Variants in USP33 observed in about 807,000 individuals in gnomAD.
The protein encoded by USP33 is ubiquitin carboxyl-terminal hydrolase 33.
A neutral mutation model predicts 124.2 loss-of-function variants in USP33; 46 were observed. That is an observed-to-expected ratio of 0.37 (90% CI 0.29 to 0.47). USP33 has a LOEUF of 0.47. USP33 is among the 20% of genes least tolerant of loss of function. The pLI, the probability that USP33 is intolerant of heterozygous loss-of-function variation, is 0.99. For synonymous variants in USP33, 350 were observed against 352.3 expected, an observed-to-expected ratio of 0.99 and a Z score of 0.07; for missense variants, 851 against 1,070.6, an observed-to-expected ratio of 0.79 and a Z score of 2.86.
At chr1:77,733,415 G>A (rs2101498056) in intron 7 of USP33, among the ~76,000 whole-genome samples, 1 of 150,016 alleles carries the variant, frequency 6.7e-6, no homozygotes, top group African/African-American at 2.4e-5. Context: ...GAAAAAAAAA[G>A]TCTCTTCTTC....
chr1:77,733,399 A>G (rs1445789222), intron 7 of USP33, among the ~76,000 whole-genome samples: 3 of 152,012 alleles, frequency 2.0e-5, no homozygotes, highest in East Asian at 3.9e-4. Flanking sequence ...CCTAAAAAAA[A>G]AAAAAGAAAA....
At position 77,713,208 on chromosome 1, in the gene USP33, T is replaced by C. The variant is rs1027402146; in HGVS notation, c.2289A>G (p.Leu763=). The C allele has an allele frequency of 3.8e-6, 6 of 1,594,128 alleles. No homozygotes were observed. Among genetic ancestry groups the C allele is most frequent in the Non-Finnish European group, 5.1e-6 (6 of 1,174,452 alleles). Residue 763 remains leucine (L), a synonymous_variant, in exon 20 of 24, where the codon CTA becomes CTG. Coordinates refer to ENST00000370794, the MANE Select transcript of USP33 (RefSeq NM_201624.3). ...LMLPQNIWDN[L]YSRYGGGPAV... is the part of the protein sequence containing the mutation. Reference sequence around the variant, plus strand: ...TGATTTAAAAAACAAACCTGCTATATAGGTTATCCCAAATGTTCTGAGGCA... The same window carrying C: ...TGATTTAAAAAACAAACCTGCTATACAGGTTATCCCAAATGTTCTGAGGCA...
At chr1:77,721,544 A>ATTTTTT (rs1676560462) in intron 14 of USP33, 1 of 491,044 alleles carries the variant, frequency 2.0e-6, no homozygotes, top group Admixed American at 3.9e-5. Context: ...CACACAAATA[A>ATTTTTT]GTCCATTATT....
intron 7 of USP33, among the ~76,000 whole-genome samples, chr1:77,732,155 G>C (rs566771489): frequency 1.3e-5 from 2 of 151,132 alleles, no homozygotes; most frequent in South Asian, 4.2e-4. Flanking sequence ...TTACTAGCTG[G>C]TTATATCGGC....
intron 1 of USP33, among the ~76,000 whole-genome samples, chr1:77,743,535 G>A (rs770037682): frequency 1.3e-4 from 20 of 151,832 alleles, no homozygotes; most frequent in Non-Finnish European, 2.6e-4. Flanking sequence ...AGTACAATGG[G>A]GCAAACACAA....
chr1:77,755,541 T>C (rs570607480), intron 1 of USP33, among the ~76,000 whole-genome samples: 2 of 151,980 alleles, frequency 1.3e-5, no homozygotes, highest in African/African-American at 2.4e-5. Context: ...TACCAAAAAA[T>C]ACAAAAATTA....
intron 7 of USP33, among the ~76,000 whole-genome samples, chr1:77,731,267 A>G (rs967333156): frequency 1.3e-5 from 2 of 152,198 alleles, no homozygotes; most frequent in African/African-American, 4.8e-5. Flanking sequence ...CCCAAACTAA[A>G]CAGGATAAAA....
intron 1 of USP33, among the ~76,000 whole-genome samples, chr1:77,752,477 C>A (rs563742687): frequency 3.1e-4 from 47 of 152,212 alleles, no homozygotes; most frequent in African/African-American, 1.0e-3. Context: ...AGTTGGTAAC[C>A]TAAGGAGCTT....
chr1:77,713,139 C>T, intron 20 of USP33, 61 bp downstream of exon 20: 1 of 1,348,672 alleles, frequency 7.4e-7, no homozygotes, highest in East Asian at 2.4e-5. Flanking sequence ...ATAATCCAAA[C>T]CCCTTTTAAC....
intron 21 of USP33, among the ~76,000 whole-genome samples, chr1:77,705,088 G>T (rs1570731916): frequency 7.7e-6 from 1 of 129,122 alleles, no homozygotes. Context: ...ATATTCCAGT[G>T]TTATTTCTGT....
intron 7 of USP33, among the ~76,000 whole-genome samples, chr1:77,733,242 A>G (rs1678048937): frequency 6.6e-6 from 1 of 152,176 alleles, no homozygotes; most frequent in African/African-American, 2.4e-5. Context: ...AAAAATTTAA[A>G]AATTAGTCAG....
chr1:77,709,886 C>CAT (rs1346040542), intron 21 of USP33, among the ~76,000 whole-genome samples: 3 of 126,144 alleles, frequency 2.4e-5, no homozygotes, highest in African/African-American at 8.1e-5. Context: ...TACACATACA[C>CAT]ACACACACAC....
At chr1:77,710,058 C>T (rs1182812211) in intron 21 of USP33, among the ~76,000 whole-genome samples, 2 of 152,098 alleles carry the variant, frequency 1.3e-5, no homozygotes, top group Admixed American at 1.3e-4. Context: ...ACTCATTACA[C>T]GTATGTCTTG....
intron 7 of USP33, among the ~76,000 whole-genome samples, chr1:77,733,406 A>G (rs1297030887): frequency 1.4e-5 from 2 of 145,754 alleles, no homozygotes; most frequent in African/African-American, 2.5e-5. Context: ...AAAAAAAAAG[A>G]AAAAAAAAGT....
intron 1 of USP33, among the ~76,000 whole-genome samples, chr1:77,752,768 A>G (rs1206569437): frequency 6.6e-6 from 1 of 152,218 alleles, no homozygotes; most frequent in Non-Finnish European, 1.5e-5. Context: ...AAGAAAAATT[A>G]AACTATTTTT....
Position 77,741,762 on chromosome 1 carries a change from A to C in USP33, c.-51-14T>G, listed in dbSNP as rs1679144369. On this transcript the variant is annotated splice_polypyrimidine_tract_variant and intron_variant, in intron 1 of 23. Coordinates refer to ENST00000370794, the MANE Select transcript of USP33 (RefSeq NM_201624.3). ...ATGAGGTAACACCTATAAGAAAAGTAACACACACAAAAAAATTAATAAATG... is the reference window on the plus strand; with the variant it reads ...ATGAGGTAACACCTATAAGAAAAGTCACACACACAAAAAAATTAATAAATG... 6.5e-7 allele frequency: 1 copy of C among 1,543,094 alleles called. No homozygotes were observed. The highest frequency in any genetic ancestry group is 2.3e-5 in the East Asian group (1 of 43,410).
intron 1 of USP33, among the ~76,000 whole-genome samples, chr1:77,750,751 C>A (rs1012823365): frequency 6.6e-6 from 1 of 152,030 alleles, no homozygotes; most frequent in African/African-American, 2.4e-5. Context: ...TTTAGTATCC[C>A]GTATAATACA....
intron 21 of USP33, among the ~76,000 whole-genome samples, chr1:77,702,570 C>A (rs1674162938): frequency 6.6e-6 from 1 of 151,892 alleles, no homozygotes; most frequent in African/African-American, 2.4e-5. Context: ...CTCTTCCAGC[C>A]CTCAGGCCTA....
chr1:77,718,579 T>C lies in USP33; in HGVS notation c.1737+17A>G. 1 of 1,577,360 alleles carries C rather than the reference T, an allele frequency of 6.3e-7. No individual in the cohort carries two copies. Among genetic ancestry groups the C allele is most frequent in the Non-Finnish European group, 8.7e-7 (1 of 1,150,530 alleles). On this transcript the variant is annotated intron_variant, in intron 16 of 23. Coordinates refer to ENST00000370794, the MANE Select transcript of USP33 (RefSeq NM_201624.3). Reference sequence around the variant, plus strand: ...TCCTACCACACAATATAAGTTGAATTAAAATAATGCCCATACCTCAGGAAA... The same window carrying C: ...TCCTACCACACAATATAAGTTGAATCAAAATAATGCCCATACCTCAGGAAA...
Sources: gnomAD v4.1 joint callset for allele counts (sites outside exome capture counted in the v4.1 genomes callset) on GRCh38, gnomAD v4.1.1 for gene constraint, MANE v1.5 for transcripts, NCBI Gene and HGNC (gene_info 2026-07-23, HGNC 2026-07-21) for gene names.